The following ESR1 variants were observed in gnomAD, a reference collection of about 807,000 sequenced individuals.
ESR1 encodes estrogen receptor 1.
In ESR1, 12 loss-of-function variants were observed where a neutral mutation model predicts 52.7. The observed-to-expected ratio is 0.23, with a 90% CI of 0.15 to 0.37. The LOEUF (loss-of-function observed/expected upper bound fraction) is 0.37. Ranked by LOEUF, ESR1 falls within the 10% of genes least tolerant of loss-of-function variation. ESR1 has a pLI of 1.00. For synonymous variants in ESR1, 305 were observed against 316.8 expected (o/e 0.96, Z 0.39); for missense variants, 584 against 779.7 (o/e 0.75, Z 2.99).
chr6:152,035,042 G>A (rs2045158664), intron 5 of ESR1, among the ~76,000 whole-genome samples: 1 of 152,174 alleles, frequency 6.6e-6, no homozygotes, highest in South Asian at 2.1e-4. Flanking sequence ...TAGAAAGCCT[G>A]TGAGATTACA....
intron 6 of ESR1, among the ~76,000 whole-genome samples, chr6:152,086,233 C>A (rs1170853934): frequency 1.3e-5 from 2 of 151,952 alleles, no homozygotes; most frequent in Admixed American, 6.6e-5. Context: ...AAATCCAGAA[C>A]CCTGATTGTT....
At chr6:151,943,046 C>G (rs2035265037) in intron 3 of ESR1, among the ~76,000 whole-genome samples, 1 of 152,100 alleles carries the variant, frequency 6.6e-6, no homozygotes, top group South Asian at 2.1e-4. Context: ...CCCTCTTCAC[C>G]CCATTTCGTA....
intron 6 of ESR1, among the ~76,000 whole-genome samples, chr6:152,091,148 T>C (rs1406024266): frequency 6.6e-6 from 1 of 152,226 alleles, no homozygotes; most frequent in Non-Finnish European, 1.5e-5. Flanking sequence ...CCTGTTTTGC[T>C]CTTGCAGTGG....
intron 1 of ESR1, among the ~76,000 whole-genome samples, chr6:151,819,603 C>A (rs1046385190): frequency 2.0e-5 from 3 of 152,140 alleles, no homozygotes; most frequent in Admixed American, 6.5e-5. Context: ...TCATTGTGTC[C>A]CATCACCCCC....
chr6:151,878,922 T>C (rs1792311122), intron 2 of ESR1, among the ~76,000 whole-genome samples: 1 of 152,194 alleles, frequency 6.6e-6, no homozygotes. Context: ...GAGCAGAAAC[T>C]TCCTGTGGGC....
At chr6:151,844,163 T>C (rs747870979) in intron 2 of ESR1, among the ~76,000 whole-genome samples, 6 of 151,546 alleles carry the variant, frequency 4.0e-5, no homozygotes, top group Non-Finnish European at 8.8e-5. Context: ...TCTAAACATA[T>C]ATAAATATAT....
chr6:151,718,429 T>C (rs150211636), intron 2 of ESR1, among the ~76,000 whole-genome samples: 7 of 152,314 alleles, frequency 4.6e-5, no homozygotes, highest in African/African-American at 1.7e-4. Flanking sequence ...TAATGAATTA[T>C]TTTTGGTGAC....
chr6:152,048,098 C>T (rs994247521), intron 5 of ESR1, among the ~76,000 whole-genome samples: 2 of 151,488 alleles, frequency 1.3e-5, no homozygotes, highest in Non-Finnish European at 2.9e-5. Context: ...CGGCCTGGCG[C>T]GGTGGCTCAC....
intron 5 of ESR1, among the ~76,000 whole-genome samples, chr6:152,024,128 TAAA>T (rs1043260203): frequency 6.6e-6 from 1 of 152,210 alleles, no homozygotes; most frequent in African/African-American, 2.4e-5. Context: ...CACCATTTAT[TAAA>T]AAGTCAGTAT....
At chr6:151,732,733 T>C (rs1045144198) in intron 2 of ESR1, among the ~76,000 whole-genome samples, 18 of 152,178 alleles carry the variant, frequency 1.2e-4, no homozygotes, top group Non-Finnish European at 2.5e-4. Flanking sequence ...AGGGGATATA[T>C]GGGCAGGGAG....
chr6:151,741,102 C>A (rs1433809616), intron 2 of ESR1, among the ~76,000 whole-genome samples: 1 of 152,114 alleles, frequency 6.6e-6, no homozygotes, highest in East Asian at 1.9e-4. Context: ...TCAGTCACTG[C>A]TGCTCCCTAG....
chr6:151,832,578 G>T (rs767628959), intron 1 of ESR1, among the ~76,000 whole-genome samples: 4 of 152,140 alleles, frequency 2.6e-5, no homozygotes, highest in Admixed American at 6.6e-5. Flanking sequence ...ACACATACAA[G>T]CATTGATAAC....
At chr6:152,091,615 A>T (rs565441463) in intron 6 of ESR1, among the ~76,000 whole-genome samples, 37 of 152,238 alleles carry the variant, frequency 2.4e-4, no homozygotes, top group Admixed American at 8.5e-4. Flanking sequence ...AGGATGGAAC[A>T]TTGGCAGCCC....
At chr6:151,873,917 G>A (rs943143207) in intron 2 of ESR1, among the ~76,000 whole-genome samples, 12 of 152,342 alleles carry the variant, frequency 7.9e-5, no homozygotes, top group African/African-American at 2.6e-4. Context: ...TAAGGAGACT[G>A]TAAAGGTAGC....
intron 3 of ESR1, among the ~76,000 whole-genome samples, chr6:151,921,951 A>G (rs1207609254): frequency 6.6e-6 from 1 of 152,108 alleles, no homozygotes; most frequent in African/African-American, 2.4e-5. Flanking sequence ...ATTAGATCCC[A>G]TTTGTCAATT....
intron 6 of ESR1, among the ~76,000 whole-genome samples, chr6:152,109,540 C>G (rs910044075): frequency 6.6e-6 from 1 of 151,732 alleles, no homozygotes; most frequent in Non-Finnish European, 1.5e-5. Context: ...TACAAAATTA[C>G]CTGGGTGTGG....
At chr6:151,949,295 C>G (rs866073072) in intron 4 of ESR1, among the ~76,000 whole-genome samples, 2 of 152,128 alleles carry the variant, frequency 1.3e-5, no homozygotes, top group Admixed American at 6.5e-5. Context: ...TGAGGGTTCC[C>G]GGAGAAGGTG....
At chr6:151,959,317 A>G (rs914352470) in intron 4 of ESR1, among the ~76,000 whole-genome samples, 1 of 152,204 alleles carries the variant, frequency 6.6e-6, no homozygotes, top group Admixed American at 6.5e-5. Flanking sequence ...TGACAGCATA[A>G]GTTCTTAATT....
chr6:152,051,468 C>A (rs576144202), intron 5 of ESR1, among the ~76,000 whole-genome samples: 17 of 152,320 alleles, frequency 1.1e-4, no homozygotes, highest in African/African-American at 4.1e-4. Context: ...TAGACATCAA[C>A]AGAATTGACG....
Sources: allele counts gnomAD v4.1 joint callset (sites outside exome capture counted in the v4.1 genomes callset), GRCh38; gene constraint gnomAD v4.1.1; transcripts MANE v1.5; gene names NCBI Gene and HGNC (gene_info 2026-07-23, HGNC 2026-07-21).